PRDX5: variants seen among roughly 807,000 people sequenced by gnomAD.
PRDX5 encodes the protein peroxiredoxin-5, mitochondrial.
In PRDX5, 21 loss-of-function variants were observed where a neutral mutation model predicts 23.8. The ratio of observed to expected loss-of-function variants is 0.88; its 90% CI spans 0.63 to 1.27. PRDX5 has a LOEUF of 1.27. PRDX5 is among the 50% of genes most tolerant of loss of function. PRDX5 has a pLI of 0.00. For synonymous variants in PRDX5, 111 were observed against 113.3 expected (o/e 0.98, Z 0.13); for missense variants, 261 against 270.6 (o/e 0.96, Z 0.25).
chr11:64,320,802 G>A lies in PRDX5; in HGVS notation c.438+10G>A, dbSNP rs752354405. 2.0e-5 allele frequency: 33 copies of A among 1,614,086 alleles called. No homozygotes were observed. The highest frequency in any genetic ancestry group is 1.0e-4 in the Admixed American group (6 of 60,008). On this transcript the variant is annotated intron_variant, in intron 3 of 5. Coordinates refer to ENST00000265462, the MANE Select transcript of PRDX5 (RefSeq NM_012094.5). The stretch of plus-strand genomic sequence containing the variant: ...CAAGGCGGAAGGCAAGGTGAGGTGA[G>A]GGGCCTGCAGGGAGTCAGGACCAGG...
chr11:64,319,868 G>A lies in PRDX5; in HGVS notation c.306G>A (p.Lys102=), dbSNP rs930554889. ...GGGCCTTCACCCCTGGATGTTCCAA[G>A]GTGAGGCCCTTCCCCTTCTGAAGAT... is the stretch of plus-strand genomic sequence containing the variant. ...VPGAFTPGCS[K]THLPGFVEQA... The change falls in exon 2 of 6, where the codon AAG becomes AAA. Residue 102 remains lysine, a splice_region_variant and synonymous_variant. Transcript: ENST00000265462. 9 of 1,613,764 alleles carry A rather than the reference G, an allele frequency of 5.6e-6. No individual in the cohort carries two copies. Among genetic ancestry groups the A allele is most frequent in the Non-Finnish European group, 6.8e-6 (8 of 1,179,890 alleles).
intron 1 of PRDX5, among the ~76,000 whole-genome samples, chr11:64,319,347 A>G (rs1026290174): frequency 1.3e-5 from 2 of 151,992 alleles, no homozygotes; most frequent in African/African-American, 4.8e-5. Flanking sequence ...GACCTGGCCA[A>G]GATCCTCTCC....
Position 64,318,142 on chromosome 11 carries a change from G to A in PRDX5, c.-74G>A. The A allele has an allele frequency of 6.3e-7, 1 of 1,587,160 alleles. No homozygotes were observed. The highest frequency in any genetic ancestry group is 8.6e-7 in the Non-Finnish European group (1 of 1,169,100). ...CCGCCTTCCGCAGGGTGTCGCCGCT[G>A]TGCCGCTAGCGGTGCCCCGCCTGCT... is the stretch of plus-strand genomic sequence containing the variant. On this transcript the variant is annotated 5_prime_UTR_variant, in exon 1 of 6. In the 5' UTR this introduces an upstream ATG that the reference lacks. Transcript: ENST00000265462.
At position 64,318,489 on chromosome 11, in the gene PRDX5, C is replaced by T. The variant is rs1007957209; in HGVS notation, c.171+103C>T. ...GCTTTATTTCCTGCCTGCCAGACCCCTCCCCTCCGCCCGCCCGGCTCATCC... is the reference window on the plus strand; with the variant it reads ...GCTTTATTTCCTGCCTGCCAGACCCTTCCCCTCCGCCCGCCCGGCTCATCC... On this transcript the variant is annotated intron_variant, in intron 1 of 5. Transcript: ENST00000265462. The T allele has an allele frequency of 1.3e-5, 18 of 1,416,038 alleles. No individual in the cohort carries two copies. In the Admixed American group the frequency reaches 3.8e-4, roughly 30 times the overall value. The allele number at this position is 1,416,038 out of a possible 1,614,324, so 87.7% of individuals were successfully genotyped here. A position where few individuals can be genotyped will look rare whatever the true frequency, so the allele number is the denominator to read the frequency against.
intron 1 of PRDX5, 45 bp downstream of exon 1, chr11:64,318,431 T>G: frequency 6.4e-7 from 1 of 1,561,664 alleles, no homozygotes; most frequent in Non-Finnish European, 8.6e-7. Context: ...ACTACCCCCA[T>G]GGCAATCCCC....
rs779884651 is a variant in PRDX5 at position 64,320,848 on chromosome 11, C to G, written c.439-17C>G. 6.2e-7 allele frequency: 1 copy of G among 1,614,186 alleles called. No individual in the cohort carries two copies. The highest frequency in any genetic ancestry group is 1.1e-5 in the South Asian group (1 of 91,078). ...CCAGGTAGGATATTCTTCTTGTGACCTTTACTTTCTCTGCAGGTTCGGCTC... is the reference window on the plus strand; with the variant it reads ...CCAGGTAGGATATTCTTCTTGTGACGTTTACTTTCTCTGCAGGTTCGGCTC... On this transcript the variant is annotated splice_polypyrimidine_tract_variant and intron_variant, in intron 3 of 5. Coordinates refer to ENST00000265462, the MANE Select transcript of PRDX5 (RefSeq NM_012094.5).
In PRDX5 at chr11:64,318,309, C is replaced by CG; in HGVS notation, c.96dup (p.Tyr33ValfsTer3). On this transcript the variant is annotated frameshift_variant, in exon 1 of 6. Coordinates refer to ENST00000265462, the MANE Select transcript of PRDX5 (RefSeq NM_012094.5). LOFTEE classifies it high-confidence loss of function. ...TCAGTCTGCGGCAGCGGCAGCAAGA[C>CG]GGTACAGTGAAGGAGAGTGGGCGTC... 2 of 1,612,744 alleles carry CG rather than the reference C, an allele frequency of 1.2e-6. No individual in the cohort carries two copies. The highest frequency in any genetic ancestry group is 2.7e-5 in the African/African-American group (2 of 75,024).
Position 64,321,566 on chromosome 11 carries a change from TG to T in PRDX5, c.540-17del, listed in dbSNP as rs2035500990. The T allele has an allele frequency of 1.9e-6, 3 of 1,610,196 alleles. No homozygotes were observed. The highest frequency in any genetic ancestry group is 1.3e-5 in the African/African-American group (1 of 74,822). On this transcript the variant is annotated intron_variant, in intron 5 of 5. Transcript: ENST00000265462. ...CCAAGCCCAGGCTGATGCAGCTGGCTGGGCCCCTCTTTCCGGCAGGTTCTCC... is the reference window on the plus strand; with the variant it reads ...CCAAGCCCAGGCTGATGCAGCTGGCTGGCCCCTCTTTCCGGCAGGTTCTCC...
intron 1 of PRDX5, among the ~76,000 whole-genome samples, chr11:64,319,086 A>G (rs2035415357): frequency 6.6e-6 from 1 of 151,234 alleles, no homozygotes; most frequent in Non-Finnish European, 1.5e-5. Context: ...AAACCTTGTG[A>G]GACCCCATTC....
chr11:64,320,693 G>A lies in PRDX5; in HGVS notation c.339G>A (p.Glu113=). 6.2e-7 allele frequency: 1 copy of A among 1,610,884 alleles called. No homozygotes were observed. Among genetic ancestry groups the A allele is most frequent in the Non-Finnish European group, 8.5e-7 (1 of 1,177,542 alleles). The change falls in exon 3 of 6, where the codon GAG becomes GAA. Residue 113 remains glutamate, a synonymous_variant. Transcript: ENST00000265462. ...TGCCAGGGTTTGTGGAGCAGGCTGA[G>A]GCTCTGAAGGCCAAGGGAGTCCAGG... is the stretch of plus-strand genomic sequence containing the variant. ...THLPGFVEQA[E]ALKAKGVQVV... is the part of the protein sequence containing the mutation.
At chr11:64,318,724 C>T (rs1051886171) in intron 1 of PRDX5, among the ~76,000 whole-genome samples, 2 of 152,128 alleles carry the variant, frequency 1.3e-5, no homozygotes. Context: ...CCTCAGCCTC[C>T]TGAGTAGCTG....
At chr11:64,320,633 T>C (rs1471058632) in intron 2 of PRDX5, 28 bp from the exon 3 acceptor site, 5 of 1,560,792 alleles carry the variant, frequency 3.2e-6, no homozygotes, top group Non-Finnish European at 4.3e-6. Context: ...AGTTATCCCT[T>C]TGCCGACCCT....
intron 1 of PRDX5, among the ~76,000 whole-genome samples, chr11:64,318,939 C>A (rs906426246): frequency 2.0e-5 from 3 of 149,306 alleles, no homozygotes; most frequent in African/African-American, 7.4e-5. Context: ...AACAGCTGTC[C>A]CTTAGCGCCC....
At chr11:64,319,648 A>T in intron 1 of PRDX5, 86 bp from the exon 2 acceptor site, 2 of 1,494,376 alleles carry the variant, frequency 1.3e-6, no homozygotes, top group South Asian at 1.3e-5. Flanking sequence ...TCCTGCAGGC[A>T]CAGCTGCCAG....
rs1015745913 is a variant in PRDX5, at chr11:64,320,751, G to T, written c.397G>T (p.Val133Leu). 1.3e-5 allele frequency: 21 copies of T among 1,614,176 alleles called. No homozygotes were observed. The highest frequency in any genetic ancestry group is 1.7e-5 in the Non-Finnish European group (20 of 1,180,004). ...CTGTCTGAGTGTTAATGATGCCTTT[G>T]TGACTGGCGAGTGGGGCCGAGCCCA... The part of the protein sequence containing the change: ...VACLSVNDAF[V>L]TGEWGRAHKA... Residue 133 changes from valine (V) to leucine (L), a missense_variant, in exon 3 of 6, where the codon GTG (valine) becomes TTG (leucine). By Grantham distance (32) the Val-to-Leu change is conservative. Coordinates refer to ENST00000265462, the MANE Select transcript of PRDX5 (RefSeq NM_012094.5).
At chr11:64,319,959 G>A (rs1266482663) in intron 2 of PRDX5, 91 bp downstream of exon 2, 2 of 1,493,172 alleles carry the variant, frequency 1.3e-6, no homozygotes, top group Non-Finnish European at 1.8e-6. Context: ...CTCCTAAAAA[G>A]CATTTCAGTG....
At position 64,320,478 on chromosome 11, in the gene PRDX5, G is replaced by A. The variant is rs190515862; in HGVS notation, c.307-183G>A. ...GGAAAGTTCACGTCTGGACCATAAG[G>A]CATTAGGTTTCATTCTGAGCTTCCT... On this transcript the variant is annotated intron_variant, in intron 2 of 5. Coordinates refer to ENST00000265462, the MANE Select transcript of PRDX5 (RefSeq NM_012094.5). 2.6e-5 allele frequency among the ~76,000 whole-genome samples: 4 copies of A among 152,310 alleles called. No individual in the cohort carries two copies. The East Asian group carries it at 7.7e-4, about 29-fold the overall frequency.
Position 64,318,278 on chromosome 11 carries a change from C to A in PRDX5, c.63C>A (p.Ala21=). ...RSAGYILVGG[A]GGQSAAAAAR... ...CGGGCTATATACTCGTCGGTGGGGCCGGCGGTCAGTCTGCGGCAGCGGCAG... is the reference window on the plus strand; with the variant it reads ...CGGGCTATATACTCGTCGGTGGGGCAGGCGGTCAGTCTGCGGCAGCGGCAG... The change falls in exon 1 of 6, where the codon GCC becomes GCA. Residue 21 remains alanine (A), a synonymous_variant. Transcript: ENST00000265462. 1.9e-6 allele frequency: 3 copies of A among 1,612,442 alleles called. No homozygotes were observed. Among genetic ancestry groups the A allele is most frequent in the Non-Finnish European group, 2.5e-6 (3 of 1,179,880 alleles).
chr11:64,320,298 A>AG (rs1442662154), intron 2 of PRDX5, among the ~76,000 whole-genome samples: 1 of 152,002 alleles, frequency 6.6e-6, no homozygotes, highest in Non-Finnish European at 1.5e-5. Flanking sequence ...AAAAAAAAAA[A>AG]GAAAACAAGT....
Sources: gnomAD v4.1 joint callset for allele counts (sites outside exome capture counted in the v4.1 genomes callset) on GRCh38, gnomAD v4.1.1 for gene constraint, MANE v1.5 for transcripts, NCBI Gene and HGNC (gene_info 2026-07-23, HGNC 2026-07-21) for gene names.